HTR4: variants seen among roughly 807,000 people sequenced by gnomAD.
HTR4 encodes the protein 5-hydroxytryptamine (serotonin) receptor 4, G protein-coupled.
HTR4 carries 16 observed loss-of-function variants against 36.8 expected under a neutral mutation model. That is an observed-to-expected ratio of 0.43 (90% CI 0.29 to 0.66). HTR4 has a LOEUF of 0.66. Among genes scored for constraint, HTR4 ranks in the 30% least tolerant of loss-of-function variants. The probability of loss-of-function intolerance (pLI) is 0.13; values close to 1 mark genes in which losing one functional copy is unlikely to be tolerated. For missense variants in HTR4, 438 were observed against 490.9 expected (o/e 0.89, Z 1.02); for synonymous variants, 189 against 185.1 (o/e 1.02, Z -0.17).
intron 5 of HTR4, among the ~76,000 whole-genome samples, chr5:148,467,141 C>A (rs1420166625): frequency 2.0e-5 from 3 of 152,160 alleles, no homozygotes; most frequent in Admixed American, 6.5e-5. Context: ...TTTTAGTGCA[C>A]AAAGGGTAGC....
rs528924576 is a variant in HTR4, at chr5:148,610,392, G to A, written c.26+26597C>T. Among the ~76,000 whole-genome samples the A allele has an allele frequency of 3.3e-5, 5 of 152,288 alleles. No homozygotes were observed. The East Asian group carries it at 9.7e-4, about 29-fold the overall frequency. On this transcript the variant is annotated intron_variant, in intron 2 of 6. Transcript: ENST00000377888. ...CCCGTGACCCCCGAGCAGCCTAACT[G>A]GGAGGCACCCTCCAGCAGGGGCACA...
intron 1 of HTR4, among the ~76,000 whole-genome samples, chr5:148,650,580 A>G (rs1362177040): frequency 6.6e-6 from 1 of 152,200 alleles, no homozygotes; most frequent in Non-Finnish European, 1.5e-5. Flanking sequence ...TTTTTTAAAA[A>G]AAATGGTGAC....
rs1487168205 is a variant in HTR4 at position 148,585,489 on chromosome 5, G to A, written c.27-35227C>T. Among the ~76,000 whole-genome samples, 3 of 152,130 alleles carry A rather than the reference G, an allele frequency of 2.0e-5. No homozygotes were observed. In the East Asian group the frequency reaches 5.8e-4, roughly 29 times the overall value. ...GTGCCAAATATATGTTCAGAACCATGCTAGTCACTGTTGATATATGAATAT... is the reference window on the plus strand; with the variant it reads ...GTGCCAAATATATGTTCAGAACCATACTAGTCACTGTTGATATATGAATAT... On this transcript the variant is annotated intron_variant, in intron 2 of 6. Coordinates refer to ENST00000377888, the MANE Select transcript of HTR4 (RefSeq NM_000870.7).
chr5:148,497,461 T>C (rs1226957833), intron 6 of HTR4, among the ~76,000 whole-genome samples: 2 of 152,160 alleles, frequency 1.3e-5, no homozygotes, highest in Non-Finnish European at 2.9e-5. Context: ...CTTTTTCCAG[T>C]TTTTTTATAT....
intron 5 of HTR4, among the ~76,000 whole-genome samples, chr5:148,452,978 A>G (rs1302236188): frequency 6.6e-6 from 1 of 152,206 alleles, no homozygotes; most frequent in Non-Finnish European, 1.5e-5. Context: ...TCTGCAAACC[A>G]AATGTCTGCT....
chr5:148,501,355 A>T (rs1252056102), intron 6 of HTR4, among the ~76,000 whole-genome samples: 1 of 152,184 alleles, frequency 6.6e-6, no homozygotes, highest in East Asian at 1.9e-4. Flanking sequence ...CAGCAGACTA[A>T]TGTTAACTAT....
At chr5:148,541,684 T>A in intron 4 of HTR4, among the ~76,000 whole-genome samples, 1 of 152,204 alleles carries the variant, frequency 6.6e-6, no homozygotes, top group East Asian at 1.9e-4. Context: ...CAGGGAATGA[T>A]AACAGATCAC....
intron 6 of HTR4, among the ~76,000 whole-genome samples, chr5:148,495,669 G>A (rs1030047408): frequency 6.6e-6 from 1 of 152,130 alleles, no homozygotes; most frequent in Non-Finnish European, 1.5e-5. Context: ...ACCTTGTTGT[G>A]GTCACAAGAC....
At chr5:148,480,046 C>T (rs576361541), downstream of HTR4, among the ~76,000 whole-genome samples, 71 of 152,146 alleles carry the variant, frequency 4.7e-4, 1 homozygote, top group African/African-American at 1.7e-3. Context: ...GTCTGGTCCA[C>T]GTTTGATTTT....
At chr5:148,457,325 C>A (rs1755123672) in intron 5 of HTR4, among the ~76,000 whole-genome samples, 1 of 152,108 alleles carries the variant, frequency 6.6e-6, no homozygotes, top group Admixed American at 6.6e-5. Flanking sequence ...AGCGACAACT[C>A]CCTTCAAGCT....
intron 1 of HTR4, chr5:148,646,344 T>G (rs1180746191): frequency 6.6e-6 from 1 of 152,246 alleles, no homozygotes; most frequent in Non-Finnish European, 1.5e-5. Context: ...TCTGCAGGCA[T>G]GTTTACCTCT....
At chr5:148,649,524 C>T (rs542306908) in intron 1 of HTR4, among the ~76,000 whole-genome samples, 1 of 152,150 alleles carries the variant, frequency 6.6e-6, no homozygotes, top group East Asian at 1.9e-4. Flanking sequence ...TGGCAGTAGA[C>T]AAGATATTAA....
chr5:148,464,069 C>G (rs949188084), intron 5 of HTR4, among the ~76,000 whole-genome samples: 1 of 148,300 alleles, frequency 6.7e-6, no homozygotes, highest in Non-Finnish European at 1.5e-5. Context: ...AGACACAGAC[C>G]TTATATCTTG....
intron 4 of HTR4, among the ~76,000 whole-genome samples, chr5:148,529,393 C>T (rs908239325): frequency 8.5e-5 from 13 of 152,072 alleles, no homozygotes; most frequent in African/African-American, 3.1e-4. Context: ...GCGTCTTTCC[C>T]ATGTTGTTCT....
At chr5:148,544,396 A>G (rs188328297) in intron 4 of HTR4, among the ~76,000 whole-genome samples, 182 of 152,234 alleles carry the variant, frequency 1.2e-3, no homozygotes, top group African/African-American at 4.3e-3. Context: ...TTTTACAAAA[A>G]TGGAACTATG....
chr5:148,504,742 G>A (rs1053749997), intron 6 of HTR4, among the ~76,000 whole-genome samples: 15 of 152,046 alleles, frequency 9.9e-5, no homozygotes, highest in African/African-American at 3.1e-4. Context: ...TTGATAGACC[G>A]CTAGCAAGAC....
intron 2 of HTR4, among the ~76,000 whole-genome samples, chr5:148,595,493 C>G (rs936914829): frequency 1.3e-5 from 2 of 152,168 alleles, no homozygotes; most frequent in South Asian, 2.1e-4. Context: ...ACCCAGGACA[C>G]AGGACACATC....
Position 148,654,136 on chromosome 5 carries a change from TGCTGCCGCC to T in HTR4, c.-131_-123del, listed in dbSNP as rs886702391. On this transcript the variant is annotated 5_prime_UTR_variant, in exon 1 of 7. Coordinates refer to ENST00000377888, the MANE Select transcript of HTR4 (RefSeq NM_000870.7). ...ACCCCCAGCCGCTGAGCCGAGCTTC[TGCTGCCGCC>T]GCTGCCGCTGCGCTCCCAGCCGCTG... 5 of 985,616 alleles carry T rather than the reference TGCTGCCGCC, an allele frequency of 5.1e-6. No homozygotes were observed. The highest frequency in any genetic ancestry group is 6.2e-5 in the Admixed American group (1 of 16,258). 61.1% of individuals were successfully genotyped at this position (985,616 alleles called of 1,614,324 possible).
At chr5:148,645,902 A>C (rs1753866233) in intron 1 of HTR4, 1 of 152,240 alleles carries the variant, frequency 6.6e-6, no homozygotes, top group African/African-American at 2.4e-5. Flanking sequence ...AAGCCTCTGA[A>C]GACTGAGCCT....
Sources: allele counts gnomAD v4.1 joint callset (sites outside exome capture counted in the v4.1 genomes callset), GRCh38; gene constraint gnomAD v4.1.1; transcripts MANE v1.5; gene names NCBI Gene and HGNC (gene_info 2026-07-23, HGNC 2026-07-21).